Variants in PCDHA7 observed in about 807,000 individuals in gnomAD.
PCDHA7 encodes the protein protocadherin alpha 7, also known as protocadherin alpha-7.
In PCDHA7, 37 loss-of-function variants were observed where a neutral mutation model predicts 57.2. That is an observed-to-expected ratio of 0.65 (90% CI 0.50 to 0.85). The LOEUF is 0.85. Ranked by LOEUF, PCDHA7 falls within the 40% of genes least tolerant of loss-of-function variation. The pLI is 0.00. For synonymous variants in PCDHA7, 553 were observed against 558.8 expected (o/e 0.99, Z 0.15); for missense variants, 1,188 against 1,241.8 (o/e 0.96, Z 0.65).
chr5:140,860,407 G>C (rs2046379214), intron 1 of PCDHA7: 1 of 151,974 alleles, frequency 6.6e-6, no homozygotes, highest in African/African-American at 2.4e-5. Flanking sequence ...AAAAGCAATA[G>C]TAACACCATT....
chr5:140,923,155 A>G (rs1316496589), intron 1 of PCDHA7, among the ~76,000 whole-genome samples: 4 of 152,236 alleles, frequency 2.6e-5, no homozygotes, highest in Non-Finnish European at 5.9e-5. Context: ...AAAAAATTAT[A>G]GAAAGATAAA....
At chr5:140,841,238 G>A in intron 1 of PCDHA7, 8 of 1,482,530 alleles carry the variant, frequency 5.4e-6, no homozygotes, top group Non-Finnish European at 7.2e-6. Flanking sequence ...GAGATGCAGC[G>A]GAATTGGATT....
Position 140,847,412 on chromosome 5 carries a change from C to T in PCDHA7, c.2355+10674C>T, listed in dbSNP as rs1554141782. On this transcript the variant is annotated intron_variant, in intron 1 of 3. Coordinates refer to ENST00000525929, the MANE Select transcript of PCDHA7 (RefSeq NM_018910.3). ...ACATTAATGGCACAATAAACACTCA[C>T]GGTTTTGCCTTTAGACTTGAGATAC... 2 of 149,550 alleles carry T rather than the reference C, an allele frequency of 1.3e-5. 1 individual carries two copies. Among genetic ancestry groups the T allele is most frequent in the Non-Finnish European group, 3.0e-5 (2 of 66,894 alleles). 9.3% of individuals were successfully genotyped at this position (149,550 alleles called of 1,614,324 possible). A position where few individuals can be genotyped will look rare whatever the true frequency, so the allele number is the denominator to read the frequency against.
At chr5:140,877,284 C>T (rs1318334277) in intron 1 of PCDHA7, 3 of 1,613,900 alleles carry the variant, frequency 1.9e-6, no homozygotes, top group Non-Finnish European at 2.5e-6. Context: ...CCGGCTATAA[C>T]GCTTGGCTGT....
At chr5:140,864,940 G>T (rs528676037) in intron 1 of PCDHA7, 4 of 152,296 alleles carry the variant, frequency 2.6e-5, no homozygotes, top group African/African-American at 9.6e-5. Flanking sequence ...TCTCAGGCCT[G>T]TAATCCCAGC....
chr5:140,871,358 A>T, intron 1 of PCDHA7: 6 of 1,614,208 alleles, frequency 3.7e-6, no homozygotes, highest in Non-Finnish European at 5.1e-6. Context: ...TACTCGCAGC[A>T]GAGGCGGCAG....
At chr5:140,853,592 T>A in intron 1 of PCDHA7, 2 of 987,050 alleles carry the variant, frequency 2.0e-6, no homozygotes, top group Non-Finnish European at 1.2e-6. Context: ...TTAGACACTT[T>A]GAGAGCAAAG....
At chr5:140,869,812 G>A (rs2051440753) in intron 1 of PCDHA7, 1 of 1,612,340 alleles carries the variant, frequency 6.2e-7, no homozygotes, top group East Asian at 2.2e-5. Flanking sequence ...GGATGTCAAC[G>A]ACAATGATCC....
chr5:141,009,791 CCTA>C lies in PCDHA7; in HGVS notation c.2672_2674del (p.Thr891del), dbSNP rs2098414479. 1.2e-6 allele frequency: 2 copies of C among 1,613,966 alleles called. No homozygotes were observed. Among genetic ancestry groups the C allele is most frequent in the African/African-American group, 2.7e-5 (2 of 74,882 alleles). On this transcript the variant is annotated inframe_deletion, in exon 4 of 4. Coordinates refer to ENST00000525929, the MANE Select transcript of PCDHA7 (RefSeq NM_018910.3). ...TGCAATCATCTCCATCCGGCAGGAGCCTACTAACAGCCAAATTGACAAAAGTGA... is the reference window on the plus strand; with the variant it reads ...TGCAATCATCTCCATCCGGCAGGAGCCTAACAGCCAAATTGACAAAAGTGA...
chr5:140,941,373 G>A (rs576282436), intron 1 of PCDHA7, among the ~76,000 whole-genome samples: 2 of 134,082 alleles, frequency 1.5e-5, no homozygotes, highest in South Asian at 5.1e-4. Flanking sequence ...CTGGAGTGTA[G>A]TGACAGGATT....
Position 140,836,387 on chromosome 5 carries a change from G to T in PCDHA7, c.2004G>T (p.Ser668=), listed in dbSNP as rs1435398883. 1 of 1,613,748 alleles carries T rather than the reference G, an allele frequency of 6.2e-7. No homozygotes were observed. The highest frequency in any genetic ancestry group is 8.5e-7 in the Non-Finnish European group (1 of 1,179,838). The change falls in exon 1 of 4, where the codon TCG becomes TCT. Residue 668 remains serine, a synonymous_variant. Transcript: ENST00000525929. Reference sequence around the variant, plus strand: ...CAGCCACAGCCACCGTGCTGGTGTCGCTGGTGGAAAGCGGCCAGGCACCAA... The same window carrying T: ...CAGCCACAGCCACCGTGCTGGTGTCTCTGGTGGAAAGCGGCCAGGCACCAA... ...SLTATATVLV[S]LVESGQAPKA...
At chr5:140,856,879 G>A in intron 1 of PCDHA7, 1 of 1,593,884 alleles carries the variant, frequency 6.3e-7, no homozygotes, top group Non-Finnish European at 8.6e-7. Context: ...AGGAAATGAT[G>A]TATTCATTTA....
chr5:140,941,245 TTCTTTCTTTC>T (rs1379125224), intron 1 of PCDHA7, among the ~76,000 whole-genome samples: 44 of 140,720 alleles, frequency 3.1e-4, no homozygotes, highest in Middle Eastern at 3.3e-3. Context: ...CTTTCTTTCT[TTCTTTCTTTC>T]TCTTTCTTTC....
intron 1 of PCDHA7, chr5:140,842,837 A>G: frequency 6.3e-7 from 1 of 1,593,660 alleles, no homozygotes; most frequent in South Asian, 1.1e-5. Context: ...CTCGCTGTCG[A>G]GCTACATTTC....
chr5:140,869,287 C>T, intron 1 of PCDHA7: 1 of 1,613,538 alleles, frequency 6.2e-7, no homozygotes, highest in Non-Finnish European at 8.5e-7. Context: ...GCTGGTGCAG[C>T]GCCTGTTCCG....
intron 1 of PCDHA7, chr5:140,858,024 C>G: frequency 6.3e-7 from 1 of 1,596,700 alleles, no homozygotes; most frequent in Non-Finnish European, 8.6e-7. Context: ...CCGTCGCTGA[C>G]GGCCACGGCC....
chr5:140,903,349 A>T (rs1191077377), intron 1 of PCDHA7, among the ~76,000 whole-genome samples: 1 of 152,240 alleles, frequency 6.6e-6, no homozygotes, highest in Non-Finnish European at 1.5e-5. Flanking sequence ...ATTTTAAAAA[A>T]CAAGTTTTTC....
At chr5:140,915,466 T>C (rs2077134247) in intron 1 of PCDHA7, among the ~76,000 whole-genome samples, 1 of 152,176 alleles carries the variant, frequency 6.6e-6, no homozygotes, top group South Asian at 2.1e-4. Context: ...AGGTTTTTAT[T>C]TGAAGGAGCT....
At chr5:140,861,412 C>T (rs371672031) in intron 1 of PCDHA7, 62 of 474,038 alleles carry the variant, frequency 1.3e-4, no homozygotes, top group African/African-American at 1.1e-3. Flanking sequence ...GAGCTGATAC[C>T]GCGCCTGTTT....
Sources: gnomAD v4.1 joint callset for allele counts (sites outside exome capture counted in the v4.1 genomes callset) on GRCh38, gnomAD v4.1.1 for gene constraint, MANE v1.5 for transcripts, NCBI Gene and HGNC (gene_info 2026-07-23, HGNC 2026-07-21) for gene names.